Variants in ACTR3C observed in about 807,000 individuals in gnomAD.
ACTR3C encodes actin-related protein 3C.
ACTR3C carries 18 observed loss-of-function variants against 26.3 expected under a neutral mutation model. The observed-to-expected ratio is 0.68, with a 90% CI of 0.47 to 1.01. ACTR3C has a LOEUF of 1.01. Ranked by LOEUF, ACTR3C falls within the 50% of genes least tolerant of loss-of-function variation. ACTR3C has a pLI of 0.00. For synonymous variants in ACTR3C, 55 were observed against 94.5 expected (o/e 0.58, Z 2.42); for missense variants, 184 against 250.7 (o/e 0.73, Z 1.80).
chr7:150,023,340 T>TACATACATACATAC, the ACTR3C span, among the ~76,000 whole-genome samples: 3 of 93,540 alleles, frequency 3.2e-5, no homozygotes, highest in South Asian at 4.7e-4. Flanking sequence ...CATACATACA[T>TACATACATACATAC]ATATATTTTA....
the ACTR3C span, among the ~76,000 whole-genome samples, chr7:150,206,422 A>T: frequency 0.012 from 1,781 of 151,328 alleles, 31 homozygotes; most frequent in African/African-American, 0.041. Flanking sequence ...TTTTATTATT[A>T]TTTTTTTTGA....
At chr7:150,185,360 A>T in the ACTR3C span, among the ~76,000 whole-genome samples, 3 of 151,656 alleles carry the variant, frequency 2.0e-5, no homozygotes, top group Admixed American at 2.0e-4. Context: ...TTATCAGATT[A>T]TGATAGAAGT....
the ACTR3C span, chr7:149,892,381 A>G: frequency 6.4e-7 from 1 of 1,551,472 alleles, no homozygotes; most frequent in Non-Finnish European, 8.7e-7. Context: ...ACCTTTGCTG[A>G]CTCTCTGATG....
the ACTR3C span, among the ~76,000 whole-genome samples, chr7:150,026,162 C>CA: frequency 5.9e-5 from 9 of 151,998 alleles, 1 homozygote; most frequent in African/African-American, 2.2e-4. Flanking sequence ...TCCCAATGGT[C>CA]AAAAAAATAC....
At chr7:150,228,265 G>T in the ACTR3C span, among the ~76,000 whole-genome samples, 2 of 152,100 alleles carry the variant, frequency 1.3e-5, no homozygotes, top group African/African-American at 4.8e-5. Context: ...TGGTGATGCC[G>T]TAAGTGGTGT....
the ACTR3C span, among the ~76,000 whole-genome samples, chr7:150,036,169 C>CAT: frequency 1.3e-5 from 1 of 75,546 alleles, no homozygotes; most frequent in African/African-American, 6.1e-5. Flanking sequence ...CCTCCCCCCC[C>CAT]GCGATGGGAG....
the ACTR3C span, among the ~76,000 whole-genome samples, chr7:150,038,168 G>A: frequency 9.1e-5 from 13 of 142,756 alleles, no homozygotes; most frequent in Non-Finnish European, 1.6e-4. Flanking sequence ...GGGCCTTTAT[G>A]TTCAGGTTTT....
At chr7:150,097,688 T>C in the ACTR3C span, among the ~76,000 whole-genome samples, 10 of 151,620 alleles carry the variant, frequency 6.6e-5, 1 homozygote, top group Non-Finnish European at 1.5e-4. Flanking sequence ...TGTTTTAGCC[T>C]GAACTCAAGG....
the ACTR3C span, among the ~76,000 whole-genome samples, chr7:150,182,926 G>A: frequency 6.6e-6 from 1 of 150,934 alleles, no homozygotes; most frequent in Admixed American, 6.6e-5. Context: ...TAACTATCAT[G>A]TGATTCCAAA....
chr7:150,140,124 C>T, the ACTR3C span, among the ~76,000 whole-genome samples: 2 of 152,214 alleles, frequency 1.3e-5, no homozygotes, highest in African/African-American at 4.8e-5. Flanking sequence ...GATGACCAGT[C>T]AGCTCAGTGA....
chr7:150,240,940 C>A (rs1271233862), downstream of ACTR3C, among the ~76,000 whole-genome samples: 1 of 151,972 alleles, frequency 6.6e-6, no homozygotes, highest in African/African-American at 2.4e-5. Flanking sequence ...TTTAAAAGTA[C>A]CACATACAAA....
At chr7:150,092,498 T>A in the ACTR3C span, among the ~76,000 whole-genome samples, 2 of 149,788 alleles carry the variant, frequency 1.3e-5, no homozygotes, top group Non-Finnish European at 2.9e-5. Flanking sequence ...TGTTTTATCA[T>A]CCTTAAACAA....
At chr7:149,931,263 A>G in the ACTR3C span, among the ~76,000 whole-genome samples, 1 of 152,172 alleles carries the variant, frequency 6.6e-6, no homozygotes, top group Admixed American at 6.5e-5. Context: ...CAATATTTTC[A>G]AAAGTTCTTC....
the ACTR3C span, among the ~76,000 whole-genome samples, chr7:150,186,136 A>G: frequency 6.6e-6 from 1 of 152,212 alleles, no homozygotes; most frequent in Non-Finnish European, 1.5e-5. Flanking sequence ...TTTATGCTTC[A>G]TTATGGTGAC....
At chr7:150,323,242 GGGGTGCGCGCGAAGACCCCCGCAGGCT>G (rs1459187286) in intron 1 of ACTR3C, 200 bp downstream of exon 1, 4 of 240,246 alleles carry the variant, frequency 1.7e-5, no homozygotes, top group African/African-American at 7.2e-5. Context: ...TGCGAGGCGG[GGGGTGCGCGCGAAGACCCCCGCAGGCT>G]GCGCTTCCGG....
chr7:150,251,108 T>C (rs1832821293), intron 6 of ACTR3C, among the ~76,000 whole-genome samples: 1 of 152,212 alleles, frequency 6.6e-6, no homozygotes, highest in Non-Finnish European at 1.5e-5. Context: ...CTTGATAATA[T>C]TTACTGAATG....
chr7:150,213,217 G>A, the ACTR3C span, among the ~76,000 whole-genome samples: 1 of 152,172 alleles, frequency 6.6e-6, no homozygotes, highest in Non-Finnish European at 1.5e-5. Flanking sequence ...CTGGTTCTGT[G>A]ATATACTCAT....
intron 6 of ACTR3C, among the ~76,000 whole-genome samples, chr7:150,278,139 A>G (rs933778574): frequency 3.9e-5 from 6 of 152,094 alleles, no homozygotes; most frequent in Non-Finnish European, 7.4e-5. Flanking sequence ...GACCCACAGG[A>G]TCGCGCTACT....
At chr7:150,038,891 C>CAA in the ACTR3C span, among the ~76,000 whole-genome samples, 1 of 59,062 alleles carries the variant, frequency 1.7e-5, no homozygotes, top group African/African-American at 4.9e-5. Context: ...GGGGGTGCCT[C>CAA]CCCCCTGCGA....
Sources: gnomAD v4.1 joint callset for allele counts (sites outside exome capture counted in the v4.1 genomes callset) on GRCh38, gnomAD v4.1.1 for gene constraint, MANE v1.5 for transcripts, NCBI Gene and HGNC (gene_info 2026-07-23, HGNC 2026-07-21) for gene names.